Variants in YLPM1 observed in about 807,000 individuals in gnomAD.
YLPM1 encodes YLP motif-containing protein 1.
In YLPM1, 99 loss-of-function variants were observed where a neutral mutation model predicts 230.0. The ratio of observed to expected loss-of-function variants is 0.43; its 90% CI spans 0.37 to 0.51. The LOEUF (loss-of-function observed/expected upper bound fraction) is 0.51, where lower values mean the gene tolerates loss of function less well. Among genes scored for constraint, YLPM1 ranks in the 20% least tolerant of loss-of-function variants. The pLI is 0.00. For synonymous variants in YLPM1, 984 were observed against 942.5 expected (o/e 1.04, Z -0.81); for missense variants, 2,592 against 2,707.7 (o/e 0.96, Z 0.95).
Position 74,764,013 on chromosome 14 carries a change from AC to A in YLPM1, c.530del (p.Pro177ArgfsTer42). The A allele has an allele frequency of 1.3e-6, 2 of 1,527,744 alleles. No individual in the cohort carries two copies. Among genetic ancestry groups the A allele is most frequent in the Non-Finnish European group, 1.8e-6 (2 of 1,136,140 alleles). 94.6% of individuals were successfully genotyped at this position (1,527,744 alleles called of 1,614,324 possible). ...MPPPQPPPSY[Y>X]PPTSSQPYLP... is the part of the protein sequence containing the mutation. ...CCACCTCAGCCGCCACCCTCTTACT[AC>A]CCCCCGACCTCATCTCAGCCCTACC... On this transcript the variant is annotated frameshift_variant, in exon 1 of 21. Transcript: ENST00000325680. LOFTEE classifies it high-confidence loss of function.
At position 74,835,345 on chromosome 14, in the gene YLPM1, G is replaced by C; in HGVS notation, c.6375G>C (p.Trp2125Cys). 1 of 1,613,704 alleles carries C rather than the reference G, an allele frequency of 6.2e-7. No individual in the cohort carries two copies. The change falls in exon 20 of 21, where the codon TGG (tryptophan) becomes TGC (cysteine). Residue 2125 changes from tryptophan (W) to cysteine (C), a missense_variant. Trp to Cys is a radical substitution (Grantham distance 215). Around this residue, in one of 4 missense-constraint regions of YLPM1, gnomAD observed 315 missense variants for 429.3 expected, o/e 0.73. Transcript: ENST00000325680. ...GTTTTGTGGTCGGACAGACTGATTG[G>C]GAGAAGATCACAGATGAAAGTGGTC... ...AIGFVVGQTD[W>C]EKITDESGHL... is the part of the protein sequence containing the mutation.
At position 74,772,195 on chromosome 14, in the gene YLPM1, G is replaced by A. The variant is rs369430592; in HGVS notation, c.874-6252G>A. ...GCAGTGGTCAGTAAGTGCTTCCTGA[G>A]TAAATTAAAATCAACATCTTTCTTT... is the stretch of plus-strand genomic sequence containing the variant. On this transcript the variant is annotated intron_variant, in intron 1 of 20. Coordinates refer to ENST00000325680, the MANE Select transcript of YLPM1 (RefSeq NM_019589.3). Among the ~76,000 whole-genome samples, 10 of 150,116 alleles carry A rather than the reference G, an allele frequency of 6.7e-5. No individual in the cohort carries two copies. The East Asian group carries it at 9.8e-4, about 15-fold the overall frequency.
rs1457878215 is a variant in YLPM1 at position 74,836,617 on chromosome 14, C to T, written c.*879C>T. 2.0e-5 allele frequency: 3 copies of T among 152,480 alleles called. No individual in the cohort carries two copies. Among genetic ancestry groups the T allele is most frequent in the Non-Finnish European group, 4.4e-5 (3 of 68,024 alleles). The allele number at this position is 152,480 out of a possible 1,614,324, so 9.4% of individuals were successfully genotyped here. A position where few individuals can be genotyped will look rare whatever the true frequency, so the allele number is the denominator to read the frequency against. ...TTCTGGTAGACAGAACTGATGTATTCTGTGGAACTCAAGCTTGTTGCCTTC... is the reference window on the plus strand; with the variant it reads ...TTCTGGTAGACAGAACTGATGTATTTTGTGGAACTCAAGCTTGTTGCCTTC... On this transcript the variant is annotated 3_prime_UTR_variant, in exon 21 of 21. Transcript: ENST00000325680.
intron 19 of YLPM1, among the ~76,000 whole-genome samples, chr14:74,832,101 G>A (rs1354394583): frequency 6.6e-6 from 1 of 152,096 alleles, no homozygotes; most frequent in Admixed American, 6.5e-5. Flanking sequence ...ACCTTTGAGG[G>A]CTAGTTAAGA....
At chr14:74,815,364 C>G (rs1594839013) in intron 11 of YLPM1, among the ~76,000 whole-genome samples, 1 of 152,102 alleles carries the variant, frequency 6.6e-6, no homozygotes, top group Admixed American at 6.5e-5. Context: ...GAGTTCAAGA[C>G]CAGCCTGGTC....
In YLPM1 at chr14:74,798,198, A is replaced by G; in HGVS notation, c.2901A>G (p.Gly967=). The G allele has an allele frequency of 6.2e-7, 1 of 1,613,978 alleles. No homozygotes were observed. Among genetic ancestry groups the G allele is most frequent in the South Asian group, 1.1e-5 (1 of 91,080 alleles). Residue 967 remains glycine, a synonymous_variant, in exon 5 of 21, where the codon GGA becomes GGG. Coordinates refer to ENST00000325680, the MANE Select transcript of YLPM1 (RefSeq NM_019589.3). ...CTTCAAAAACAGGGGGGATGGAGGGAGGAACAGCAGTAGCAACATCATCAT... is the reference window on the plus strand; with the variant it reads ...CTTCAAAAACAGGGGGGATGGAGGGGGGAACAGCAGTAGCAACATCATCAT... ...TFPSKTGGME[G]GTAVATSSLT...
intron 1 of YLPM1, among the ~76,000 whole-genome samples, chr14:74,769,130 C>CAGTGGCGCG (rs2090945165): frequency 6.6e-6 from 1 of 151,230 alleles, no homozygotes; most frequent in African/African-American, 2.4e-5. Context: ...GGCTGGAGTG[C>CAGTGGCGCG]AGTGGCGCGA....
intron 11 of YLPM1, among the ~76,000 whole-genome samples, chr14:74,814,373 G>A (rs1172655573): frequency 6.6e-6 from 1 of 152,124 alleles, no homozygotes; most frequent in Non-Finnish European, 1.5e-5. Context: ...AAAAAAAGAA[G>A]AATGATATTA....
intron 9 of YLPM1, 132 bp downstream of exon 9, chr14:74,810,552 T>A (rs1450730158): frequency 1.1e-6 from 1 of 941,628 alleles, no homozygotes; most frequent in Non-Finnish European, 1.5e-6. Flanking sequence ...GGAAGAACAA[T>A]TCTGGACCAG....
intron 18 of YLPM1, among the ~76,000 whole-genome samples, chr14:74,824,767 G>A (rs2091549805): frequency 1.3e-5 from 2 of 152,028 alleles, no homozygotes; most frequent in Non-Finnish European, 2.9e-5. Context: ...GTAGAGAGGA[G>A]TAGATATATA....
chr14:74,780,711 G>A, intron 3 of YLPM1, 127 bp downstream of exon 3: 1 of 1,439,624 alleles, frequency 6.9e-7, no homozygotes, highest in Non-Finnish European at 9.1e-7. Context: ...TTCCCAAGGG[G>A]TGCCCAAGTA....
intron 4 of YLPM1, among the ~76,000 whole-genome samples, chr14:74,786,985 T>A (rs2091156794): frequency 6.6e-6 from 1 of 152,224 alleles, no homozygotes; most frequent in South Asian, 2.1e-4. Flanking sequence ...CTTTTAAGGT[T>A]TAGCAATCCT....
At chr14:74,786,004 T>C (rs924305008) in intron 4 of YLPM1, among the ~76,000 whole-genome samples, 1 of 152,072 alleles carries the variant, frequency 6.6e-6, no homozygotes, top group African/African-American at 2.4e-5. Context: ...TAATAAAACT[T>C]ATTGAAACGT....
At chr14:74,796,306 G>C (rs1347395709) in intron 4 of YLPM1, among the ~76,000 whole-genome samples, 3 of 152,066 alleles carry the variant, frequency 2.0e-5, no homozygotes, top group Admixed American at 6.6e-5. Flanking sequence ...CTTTGCATTA[G>C]CCATGCTAAA....
chr14:74,792,615 C>G (rs2091217875), intron 4 of YLPM1, among the ~76,000 whole-genome samples: 1 of 152,228 alleles, frequency 6.6e-6, no homozygotes, highest in South Asian at 2.1e-4. Flanking sequence ...TTAGCTGTTT[C>G]TTTTGGTCGC....
chr14:74,802,622 A>G lies in YLPM1; in HGVS notation c.4467A>G (p.Leu1489=). The G allele has an allele frequency of 6.2e-7, 1 of 1,613,578 alleles. No homozygotes were observed. Among genetic ancestry groups the G allele is most frequent in the Non-Finnish European group, 8.5e-7 (1 of 1,179,684 alleles). ...CTGAGCCACAGATGGCTGACCATCT[A>G]CCACCTCAGGAATCAAGATTGCAGA... ...FGSEPQMADH[L]PPQESRLQNT... Residue 1489 remains leucine, a synonymous_variant, in exon 6 of 21, where the codon CTA becomes CTG. Coordinates refer to ENST00000325680, the MANE Select transcript of YLPM1 (RefSeq NM_019589.3).
At chr14:74,770,136 C>G (rs898559453) in intron 1 of YLPM1, among the ~76,000 whole-genome samples, 1 of 150,964 alleles carries the variant, frequency 6.6e-6, no homozygotes. Flanking sequence ...GAGCCGAGAT[C>G]GCGCCACTGC....
chr14:74,822,776 G>A (rs2091532300), intron 17 of YLPM1, among the ~76,000 whole-genome samples: 1 of 152,256 alleles, frequency 6.6e-6, no homozygotes, highest in South Asian at 2.1e-4. Flanking sequence ...GGAATTCTCA[G>A]TAAACCTTGC....
At chr14:74,772,647 G>C (rs377227923) in intron 1 of YLPM1, among the ~76,000 whole-genome samples, 2 of 151,982 alleles carry the variant, frequency 1.3e-5, no homozygotes, top group African/African-American at 4.8e-5. Context: ...GTGAGCCACC[G>C]CACCCAGCCA....
Sources: gnomAD v4.1 joint callset for allele counts (sites outside exome capture counted in the v4.1 genomes callset) on GRCh38, gnomAD v4.1.1 for gene constraint, gnomAD v4.1.1 regional missense constraint, MANE v1.5 for transcripts, NCBI Gene and HGNC (gene_info 2026-07-23, HGNC 2026-07-21) for gene names.